ZDHHC7: variants seen among roughly 807,000 people sequenced by gnomAD.
ZDHHC7 encodes the protein palmitoyltransferase ZDHHC7.
In ZDHHC7, 12 loss-of-function variants were observed where a neutral mutation model predicts 34.1. That is an observed-to-expected ratio of 0.35 (90% confidence interval 0.23 to 0.57). The LOEUF (loss-of-function observed/expected upper bound fraction) is 0.57. Among genes scored for constraint, ZDHHC7 ranks in the 20% least tolerant of loss-of-function variants. ZDHHC7 has a pLI of 0.84. For missense variants in ZDHHC7, 388 were observed against 402.7 expected (o/e 0.96, Z 0.31); for synonymous variants, 185 against 155.4 (o/e 1.19, Z -1.42).
At chr16:84,976,573 C>A in intron 7 of ZDHHC7, 54 bp from the exon 8 acceptor site, 1 of 1,584,808 alleles carries the variant, frequency 6.3e-7, no homozygotes, top group Non-Finnish European at 8.6e-7. Flanking sequence ...TCGGCAGACC[C>A]CACCAAGCCT....
chr16:85,020,216 C>T, the ZDHHC7 span, among the ~76,000 whole-genome samples: 3 of 152,332 alleles, frequency 2.0e-5, no homozygotes, highest in East Asian at 5.8e-4. Flanking sequence ...CAGAAGCAAG[C>T]CCCTGCCCAT....
At chr16:84,982,181 T>C (rs889838274) in intron 3 of ZDHHC7, 187 bp from the exon 4 acceptor site, 1 of 572,256 alleles carries the variant, frequency 1.7e-6, no homozygotes, top group South Asian at 2.0e-5. Context: ...CCGTCTCTAC[T>C]AAAGATACAA....
At chr16:84,980,738 T>C (rs1029157786) in intron 4 of ZDHHC7, among the ~76,000 whole-genome samples, 3 of 152,226 alleles carry the variant, frequency 2.0e-5, no homozygotes, top group Non-Finnish European at 4.4e-5. Flanking sequence ...ATGATTTTTA[T>C]TCTATCTGCA....
At chr16:85,020,968 G>A in the ZDHHC7 span, among the ~76,000 whole-genome samples, 1 of 152,084 alleles carries the variant, frequency 6.6e-6, no homozygotes, top group Non-Finnish European at 1.5e-5. Flanking sequence ...AGCCAGTTAA[G>A]GTGGCACACA....
At chr16:84,988,998 G>A (rs895437434) in intron 3 of ZDHHC7, 24 of 916,634 alleles carry the variant, frequency 2.6e-5, no homozygotes, top group African/African-American at 4.9e-5. Context: ...AGCCAAGGAA[G>A]GAGAGGGCGG....
intron 1 of ZDHHC7, among the ~76,000 whole-genome samples, chr16:85,009,596 C>G (rs2072761723): frequency 6.6e-6 from 1 of 152,230 alleles, no homozygotes; most frequent in Non-Finnish European, 1.5e-5. Context: ...ATGTGGGCCC[C>G]TAACCTATTT....
chr16:84,980,818 T>C (rs2072358386), intron 4 of ZDHHC7, among the ~76,000 whole-genome samples: 1 of 152,238 alleles, frequency 6.6e-6, no homozygotes, highest in Non-Finnish European at 1.5e-5. Flanking sequence ...TCACCCCATA[T>C]GCAGTCACTG....
chr16:84,981,179 G>A (rs970569120), intron 4 of ZDHHC7, among the ~76,000 whole-genome samples: 1 of 152,212 alleles, frequency 6.6e-6, no homozygotes, highest in African/African-American at 2.4e-5. Context: ...AGAAAAAGGA[G>A]TCAGGAACTG....
At chr16:84,976,591 A>C (rs549940860) in intron 7 of ZDHHC7, 72 bp from the exon 8 acceptor site, 2 of 1,561,844 alleles carry the variant, frequency 1.3e-6, no homozygotes, top group African/African-American at 2.8e-5. Context: ...CCTCAGAATC[A>C]CACCGTGCTC....
chr16:85,021,341 G>A, the ZDHHC7 span, among the ~76,000 whole-genome samples: 4 of 151,340 alleles, frequency 2.6e-5, no homozygotes, highest in Non-Finnish European at 4.4e-5. Flanking sequence ...GAACCCAGGA[G>A]GCGGAGATTG....
At chr16:85,013,684 T>C (rs1284812011), upstream of ZDHHC7, among the ~76,000 whole-genome samples, 2 of 152,064 alleles carry the variant, frequency 1.3e-5, no homozygotes, top group Admixed American at 6.6e-5. Context: ...TTAATTTGTG[T>C]TTTTTTGTTT....
At chr16:84,983,669 GT>G (rs2072399771) in intron 3 of ZDHHC7, among the ~76,000 whole-genome samples, 1 of 152,140 alleles carries the variant, frequency 6.6e-6, no homozygotes, top group Non-Finnish European at 1.5e-5. Context: ...TTAGAAAAGG[GT>G]TTAAACTCAT....
upstream of ZDHHC7, among the ~76,000 whole-genome samples, chr16:85,016,410 A>AT (rs1890096464): frequency 6.6e-6 from 1 of 152,010 alleles, no homozygotes; most frequent in African/African-American, 2.4e-5. Context: ...CTTGCGTAAA[A>AT]TTGTACCCTT....
In ZDHHC7 at chr16:85,001,953, A is replaced by T. The variant is rs139348542; in HGVS notation, c.-103-5946T>A. ...AAATATATATACAAGATGAGCTTGGAGCATCTTGTATTGCCAGAGAATAAT... is the reference window on the plus strand; with the variant it reads ...AAATATATATACAAGATGAGCTTGGTGCATCTTGTATTGCCAGAGAATAAT... On this transcript the variant is annotated intron_variant, in intron 1 of 7. Coordinates refer to ENST00000313732, the MANE Select transcript of ZDHHC7 (RefSeq NM_017740.3). Among the ~76,000 whole-genome samples the T allele has an allele frequency of 4.6e-4, 70 of 152,242 alleles. No individual in the cohort carries two copies. In the East Asian group the frequency reaches 0.012, roughly 26 times the overall value.
chr16:84,977,342 T>C (rs371927982), intron 6 of ZDHHC7, 117 bp from the exon 7 acceptor site: 1 of 1,364,348 alleles, frequency 7.3e-7, no homozygotes, highest in East Asian at 2.3e-5. Flanking sequence ...GGGGAAGTTG[T>C]TCACTTTCTA....
chr16:84,982,304 C>T (rs574444915), intron 3 of ZDHHC7, among the ~76,000 whole-genome samples: 14 of 149,502 alleles, frequency 9.4e-5, no homozygotes, highest in Non-Finnish European at 1.6e-4. Context: ...AAGATCGCGC[C>T]GTTGCACTCC....
At chr16:85,021,684 C>G in the ZDHHC7 span, among the ~76,000 whole-genome samples, 2 of 151,778 alleles carry the variant, frequency 1.3e-5, no homozygotes, top group African/African-American at 4.9e-5. Context: ...TGCCACTGCA[C>G]TCCAGCCTGG....
At chr16:85,016,701 C>T in the ZDHHC7 span, among the ~76,000 whole-genome samples, 2 of 151,758 alleles carry the variant, frequency 1.3e-5, no homozygotes, top group Non-Finnish European at 1.5e-5. Context: ...CTCAAGCGAT[C>T]CTCTCACCTC....
At chr16:85,022,936 C>G in the ZDHHC7 span, among the ~76,000 whole-genome samples, 1 of 152,112 alleles carries the variant, frequency 6.6e-6, no homozygotes, top group Non-Finnish European at 1.5e-5. Flanking sequence ...ATATCAGTGT[C>G]TTAAAGGACA....
Sources: allele counts gnomAD v4.1 joint callset (sites outside exome capture counted in the v4.1 genomes callset), GRCh38; gene constraint gnomAD v4.1.1; transcripts MANE v1.5; gene names NCBI Gene and HGNC (gene_info 2026-07-23, HGNC 2026-07-21).